The following ACBD6 variants were observed in gnomAD, a reference collection of about 807,000 sequenced individuals.
The protein encoded by ACBD6 is acyl-CoA binding domain containing 6, also known as acyl-CoA-binding domain-containing protein 6.
A neutral mutation model predicts 37.2 loss-of-function variants in ACBD6; 28 were observed. The ratio of observed to expected loss-of-function variants is 0.75; its 90% CI spans 0.56 to 1.03. ACBD6 has a LOEUF of 1.03. ACBD6 is among the 50% of genes least tolerant of loss of function. The pLI, the probability that ACBD6 is intolerant of heterozygous loss-of-function variation, is 0.00. For missense variants in ACBD6, 340 were observed against 337.4 expected (o/e 1.01, Z -0.06); for synonymous variants, 113 against 126.8 (o/e 0.89, Z 0.73).
At chr1:180,307,887 G>A (rs1246737690) in intron 7 of ACBD6, among the ~76,000 whole-genome samples, 4 of 152,142 alleles carry the variant, frequency 2.6e-5, no homozygotes, top group African/African-American at 4.8e-5. Flanking sequence ...CCTGGGAGGC[G>A]GAGGGTGCAG....
intron 7 of ACBD6, among the ~76,000 whole-genome samples, chr1:180,299,085 G>A (rs822703): frequency 0.045 from 6,888 of 152,290 alleles, 224 homozygotes; most frequent in Non-Finnish European, 0.059. Flanking sequence ...TTGAGTATAT[G>A]CTTCTTTTTG....
chr1:180,424,800 T>C (rs190531945), intron 4 of ACBD6, among the ~76,000 whole-genome samples: 1 of 152,196 alleles, frequency 6.6e-6, no homozygotes, highest in East Asian at 1.9e-4. Flanking sequence ...GAAAAGGTGA[T>C]GGTTTCAGTT....
intron 6 of ACBD6, among the ~76,000 whole-genome samples, chr1:180,334,238 C>A (rs753968760): frequency 5.3e-5 from 8 of 152,130 alleles, no homozygotes; most frequent in African/African-American, 1.9e-4. Flanking sequence ...CCCTGACCCT[C>A]GAGTAGCCTA....
intron 6 of ACBD6, among the ~76,000 whole-genome samples, chr1:180,321,110 G>T (rs138442258): frequency 1.8e-4 from 28 of 152,224 alleles, no homozygotes; most frequent in East Asian, 1.2e-3. Context: ...TAGGTGTATA[G>T]ATTTGTTTCT....
chr1:180,454,680 A>G (rs1410173311), intron 3 of ACBD6, among the ~76,000 whole-genome samples: 1 of 152,016 alleles, frequency 6.6e-6, no homozygotes, highest in Admixed American at 6.6e-5. Flanking sequence ...AATTTACAAG[A>G]AAAAAAACCC....
At chr1:180,358,516 TAA>T (rs771226276) in intron 6 of ACBD6, among the ~76,000 whole-genome samples, 2 of 136,388 alleles carry the variant, frequency 1.5e-5, no homozygotes, top group Admixed American at 7.4e-5. Flanking sequence ...TGGTTATCCT[TAA>T]AAAAAAAAGT....
At chr1:180,272,377 A>G (rs1355592976) in intron 13 of ACBD6, among the ~76,000 whole-genome samples, 1 of 152,134 alleles carries the variant, frequency 6.6e-6, no homozygotes, top group African/African-American at 2.4e-5. Context: ...TTGCTGGGAC[A>G]CTGGCCTACT....
intron 6 of ACBD6, among the ~76,000 whole-genome samples, chr1:180,394,205 C>T (rs1331114030): frequency 6.6e-6 from 1 of 151,876 alleles, no homozygotes; most frequent in East Asian, 1.9e-4. Flanking sequence ...GTGATCCTCC[C>T]ACCACAGCCT....
In ACBD6 at chr1:180,288,289, A is replaced by G; in HGVS notation, c.*74T>C. On this transcript the variant is annotated 3_prime_UTR_variant, in exon 8 of 8. Coordinates refer to ENST00000367595, the MANE Select transcript of ACBD6 (RefSeq NM_032360.4). ...ACATACCAAAGACGGGTGGAAAAGA[A>G]GTATTATTTTTGTAGTTTTCTTTCA... 2 of 1,598,054 alleles carry G rather than the reference A, an allele frequency of 1.3e-6. No individual in the cohort carries two copies. Among genetic ancestry groups the G allele is most frequent in the Non-Finnish European group, 1.7e-6 (2 of 1,168,858 alleles).
In ACBD6 at chr1:180,352,402, T is replaced by C. The variant is rs553174240; in HGVS notation, c.664-37680A>G. On this transcript the variant is annotated intron_variant, in intron 6 of 7. Transcript: ENST00000367595. Reference sequence around the variant, plus strand: ...GGAGGTTTTCACCACGTTGGCCAGATTGGTCTCTTACTCCTGACCTAAGGT... The same window carrying C: ...GGAGGTTTTCACCACGTTGGCCAGACTGGTCTCTTACTCCTGACCTAAGGT... Among the ~76,000 whole-genome samples the C allele has an allele frequency of 9.2e-5, 14 of 152,192 alleles. No individual in the cohort carries two copies. In the South Asian group the frequency reaches 2.7e-3, roughly 29 times the overall value.
At chr1:180,430,879 A>G (rs1648786569) in intron 3 of ACBD6, among the ~76,000 whole-genome samples, 2 of 152,158 alleles carry the variant, frequency 1.3e-5, no homozygotes, top group Admixed American at 6.5e-5. Flanking sequence ...TAATTTAGTA[A>G]TAAGATTCTT....
At chr1:180,384,884 T>C (rs1467762076) in intron 6 of ACBD6, among the ~76,000 whole-genome samples, 2 of 151,974 alleles carry the variant, frequency 1.3e-5, no homozygotes, top group Non-Finnish European at 2.9e-5. Context: ...TTATGTCAAG[T>C]GAAATAAGCC....
At chr1:180,428,122 GTTTC>G (rs1648668372) in intron 4 of ACBD6, among the ~76,000 whole-genome samples, 1 of 151,856 alleles carries the variant, frequency 6.6e-6, no homozygotes, top group Admixed American at 6.6e-5. Flanking sequence ...TCACATTCAT[GTTTC>G]TTACTCTTTC....
chr1:180,437,017 A>G (rs918639859), intron 3 of ACBD6, among the ~76,000 whole-genome samples: 1 of 152,194 alleles, frequency 6.6e-6, no homozygotes, highest in Non-Finnish European at 1.5e-5. Flanking sequence ...AAATCAAGCT[A>G]TAACCCCATC....
chr1:180,492,113 ATTATT>A (rs1459108318), intron 3 of ACBD6, among the ~76,000 whole-genome samples, 151 bp downstream of exon 3: 2 of 152,128 alleles, frequency 1.3e-5, no homozygotes, highest in East Asian at 1.9e-4. Context: ...CTGGCCAGCA[ATTATT>A]TTATTAGATA....
At chr1:180,335,668 C>G (rs1373639610) in intron 6 of ACBD6, among the ~76,000 whole-genome samples, 1 of 149,862 alleles carries the variant, frequency 6.7e-6, no homozygotes, top group Non-Finnish European at 1.5e-5. Flanking sequence ...ACAATATTAA[C>G]CTTAAATGTA....
intron 6 of ACBD6, among the ~76,000 whole-genome samples, chr1:180,335,981 A>C (rs1465038494): frequency 2.0e-5 from 3 of 151,852 alleles, no homozygotes; most frequent in Admixed American, 6.6e-5. Flanking sequence ...ATATATATGC[A>C]CCCAATACAG....
chr1:180,445,721 T>C (rs778233548), intron 3 of ACBD6, among the ~76,000 whole-genome samples: 5 of 151,510 alleles, frequency 3.3e-5, no homozygotes, highest in Non-Finnish European at 7.4e-5. Context: ...GCTCAGGAGT[T>C]CAAAACCAGC....
intron 4 of ACBD6, among the ~76,000 whole-genome samples, chr1:180,419,150 C>T (rs1648242209): frequency 1.3e-5 from 2 of 152,176 alleles, no homozygotes; most frequent in Non-Finnish European, 1.5e-5. Context: ...ACTTGGGAGG[C>T]TGAGGCAGGA....
Sources: allele counts gnomAD v4.1 joint callset (sites outside exome capture counted in the v4.1 genomes callset), GRCh38; gene constraint gnomAD v4.1.1; transcripts MANE v1.5; gene names NCBI Gene and HGNC (gene_info 2026-07-23, HGNC 2026-07-21).